The following EDA variants were observed in gnomAD, a reference collection of about 807,000 sequenced individuals.
EDA encodes ectodysplasin A.
In EDA, 2 loss-of-function variants were observed where a neutral mutation model predicts 23.6. The observed-to-expected ratio is 0.08, with a 90% CI of 0.03 to 0.27. The LOEUF is 0.27. Ranked by LOEUF, EDA falls within the 10% of genes least tolerant of loss-of-function variation. The pLI is 1.00. For missense variants in EDA, 229 were observed against 324.2 expected, an observed-to-expected ratio of 0.71 and a Z score of 2.26; for synonymous variants, 131 against 132.0, an observed-to-expected ratio of 0.99 and a Z score of 0.05.
chrX:69,771,922 A>G (rs1322549949), intron 1 of EDA, among the ~76,000 whole-genome samples: 2 of 111,983 alleles, frequency 1.8e-5, no homozygotes, highest in African/African-American at 3.2e-5. Context: ...GAGATTTTTC[A>G]TGAATTAGTG....
intron 6 of EDA, 61 bp from the exon 7 acceptor site, chrX:70,033,337 A>G: frequency 8.3e-7 from 1 of 1,204,555 alleles, no homozygotes; most frequent in Non-Finnish European, 1.1e-6. Context: ...CTTGGTATTT[A>G]TTTTCTGTTG....
chrX:69,908,657 G>A (rs916818147), intron 1 of EDA, among the ~76,000 whole-genome samples: 1 of 109,347 alleles, frequency 9.1e-6, no homozygotes, highest in Non-Finnish European at 1.9e-5. Context: ...GAAGAATGGG[G>A]ATTTTTTAGC....
chrX:69,973,131 C>T (rs1392237573), intron 2 of EDA, among the ~76,000 whole-genome samples: 1 of 111,322 alleles, frequency 9.0e-6, no homozygotes, highest in Non-Finnish European at 1.9e-5. Context: ...TTTTCCTCCA[C>T]CCCCAGATAA....
At chrX:69,733,258 A>G (rs2013110072) in intron 1 of EDA, among the ~76,000 whole-genome samples, 1 of 112,000 alleles carries the variant, frequency 8.9e-6, no homozygotes. Flanking sequence ...TCTTTAATCC[A>G]TCTTGTATTA....
At chrX:69,783,335 G>C (rs1469968023) in intron 1 of EDA, among the ~76,000 whole-genome samples, 1 of 109,298 alleles carries the variant, frequency 9.1e-6, no homozygotes, top group Non-Finnish European at 1.9e-5. Flanking sequence ...TGTGCACAAT[G>C]TGCAGGTTAG....
chrX:69,701,757 T>G (rs906038618), intron 1 of EDA, among the ~76,000 whole-genome samples: 25 of 111,039 alleles, frequency 2.3e-4, no homozygotes, highest in Admixed American at 1.6e-3. Flanking sequence ...GGGTGATTTA[T>G]GAAAGTTTTT....
chrX:69,713,499 C>T (rs1324681231), intron 1 of EDA, among the ~76,000 whole-genome samples: 2 of 111,648 alleles, frequency 1.8e-5, no homozygotes, highest in Non-Finnish European at 3.8e-5. Flanking sequence ...TTTATAAACA[C>T]ACCCGCTGCC....
chrX:69,972,694 A>C (rs1033639744), intron 2 of EDA, among the ~76,000 whole-genome samples: 1 of 111,737 alleles, frequency 8.9e-6, no homozygotes, highest in Non-Finnish European at 1.9e-5. Context: ...TGGCAATAAC[A>C]GTAATACATC....
chrX:69,891,941 G>T (rs1052532650), intron 1 of EDA, among the ~76,000 whole-genome samples: 1 of 111,337 alleles, frequency 9.0e-6, no homozygotes, highest in Non-Finnish European at 1.9e-5. Flanking sequence ...AAAAAAAAAA[G>T]TGAGTGCATG....
chrX:69,723,558 A>C (rs1399268254), intron 1 of EDA, among the ~76,000 whole-genome samples: 2 of 111,990 alleles, frequency 1.8e-5, no homozygotes. Flanking sequence ...ATGATGCAGC[A>C]ATTGTATGAA....
At chrX:69,936,401 A>G (rs1180409336) in intron 1 of EDA, among the ~76,000 whole-genome samples, 3 of 111,655 alleles carry the variant, frequency 2.7e-5, no homozygotes, top group African/African-American at 9.7e-5. Flanking sequence ...AAAAGTCTTC[A>G]GTCACAGAGC....
intron 1 of EDA, among the ~76,000 whole-genome samples, chrX:69,674,102 C>CCTATCTAT (rs201928323): frequency 0.015 from 1,578 of 105,565 alleles, 18 homozygotes; most frequent in African/African-American, 0.036. Flanking sequence ...GTAGGAAAAG[C>CCTATCTAT]CTATCTATCT....
intron 1 of EDA, among the ~76,000 whole-genome samples, chrX:69,917,626 T>C (rs2018365104): frequency 8.9e-6 from 1 of 111,908 alleles, no homozygotes; most frequent in African/African-American, 3.2e-5. Flanking sequence ...TCAGAAACTA[T>C]ATACCAGAGG....
intron 1 of EDA, among the ~76,000 whole-genome samples, chrX:69,759,771 G>A (rs2014240667): frequency 9.0e-6 from 1 of 110,567 alleles, no homozygotes; most frequent in African/African-American, 3.3e-5. Flanking sequence ...GAGTGGCCCA[G>A]GTGTGCAAAG....
At chrX:69,679,701 T>A (rs1200760720) in intron 1 of EDA, among the ~76,000 whole-genome samples, 1 of 111,750 alleles carries the variant, frequency 8.9e-6, no homozygotes, top group African/African-American at 3.3e-5. Context: ...TCTATTTGAT[T>A]CTTCTCTCTT....
chrX:69,777,794 T>G (rs2147440262), intron 1 of EDA, among the ~76,000 whole-genome samples: 1 of 112,187 alleles, frequency 8.9e-6, no homozygotes, highest in East Asian at 2.8e-4. Flanking sequence ...AATTACAAAT[T>G]TAGGTATAAA....
intron 1 of EDA, among the ~76,000 whole-genome samples, chrX:69,949,705 GCT>G: frequency 8.9e-6 from 1 of 111,766 alleles, no homozygotes; most frequent in South Asian, 3.8e-4. Context: ...GTGATAGTCC[GCT>G]CTCTGGTTTA....
intron 1 of EDA, among the ~76,000 whole-genome samples, chrX:69,816,835 A>G (rs767153525): frequency 1.1e-4 from 12 of 111,604 alleles, no homozygotes; most frequent in Non-Finnish European, 1.9e-4. Flanking sequence ...ACAGGCCAAC[A>G]TTCAAATTCA....
intron 1 of EDA, among the ~76,000 whole-genome samples, chrX:69,956,444 C>T (rs1274085752): frequency 3.8e-5 from 4 of 105,745 alleles, no homozygotes; most frequent in East Asian, 2.9e-4. Flanking sequence ...CAGGTTCAGG[C>T]GATTCTCCTA....
Sources: gnomAD v4.1 joint callset for allele counts (sites outside exome capture counted in the v4.1 genomes callset) on GRCh38, gnomAD v4.1.1 for gene constraint, MANE v1.5 for transcripts, NCBI Gene and HGNC (gene_info 2026-07-23, HGNC 2026-07-21) for gene names.